Variants in DLGAP2 observed in about 807,000 individuals in gnomAD.
DLGAP2 encodes the protein DLG associated protein 2.
In DLGAP2, 26 loss-of-function variants were observed where a neutral mutation model predicts 100.3. The observed-to-expected ratio is 0.26, with a 90% CI of 0.19 to 0.36. DLGAP2 has a LOEUF of 0.36. DLGAP2 is among the 10% of genes least tolerant of loss of function. DLGAP2 has a pLI of 1.00. For synonymous variants in DLGAP2, 886 were observed against 630.1 expected (o/e 1.41, Z -6.08); for missense variants, 1,858 against 1,453.2 (o/e 1.28, Z -4.53).
In DLGAP2 at chr8:959,508, C is replaced by G. The variant is rs190061989; in HGVS notation, c.73+51542C>G. Reference sequence around the variant, plus strand: ...AAGAGCTTGAAGATGGTGCTGTCTTCTGTGTCCAGGGCAGCCTTGTGCAAC... The same window carrying G: ...AAGAGCTTGAAGATGGTGCTGTCTTGTGTGTCCAGGGCAGCCTTGTGCAAC... On this transcript the variant is annotated intron_variant, in intron 2 of 14. Transcript: ENST00000637795. Among the ~76,000 whole-genome samples, 191 of 152,370 alleles carry G rather than the reference C, an allele frequency of 1.3e-3. 1 individual carries two copies. The highest frequency in any genetic ancestry group is 4.5e-3 in the African/African-American group (186 of 41,592).
intron 3 of DLGAP2, among the ~76,000 whole-genome samples, chr8:1,334,565 G>C (rs73670767): frequency 6.6e-6 from 1 of 152,140 alleles, no homozygotes; most frequent in African/African-American, 2.4e-5. Flanking sequence ...GTGAGTGTGA[G>C]AGGTGGGCCC....
intron 3 of DLGAP2, among the ~76,000 whole-genome samples, chr8:1,332,740 G>A (rs375438633): frequency 1.1e-4 from 16 of 152,124 alleles, no homozygotes; most frequent in African/African-American, 3.4e-4. Flanking sequence ...CACCTCTCAC[G>A]CCCCAGACCT....
chr8:742,491 C>T (rs1820512797), intron 1 of DLGAP2, among the ~76,000 whole-genome samples: 1 of 152,146 alleles, frequency 6.6e-6, no homozygotes, highest in Non-Finnish European at 1.5e-5. Flanking sequence ...AATGTTTGTC[C>T]TGTGACTTTT....
chr8:1,481,479 T>TTC (rs1203807465), intron 3 of DLGAP2, among the ~76,000 whole-genome samples: 4 of 124,628 alleles, frequency 3.2e-5, no homozygotes, highest in East Asian at 2.3e-4. Context: ...TTCTTTTTTT[T>TTC]TTTTTTTTTT....
At chr8:1,285,210 G>A (rs963757442) in intron 3 of DLGAP2, among the ~76,000 whole-genome samples, 4 of 152,114 alleles carry the variant, frequency 2.6e-5, no homozygotes, top group African/African-American at 4.8e-5. Context: ...GGCTCCCATC[G>A]TGGACTGAGA....
chr8:1,618,809 C>G (rs1797238828), intron 6 of DLGAP2, among the ~76,000 whole-genome samples: 2 of 152,168 alleles, frequency 1.3e-5, no homozygotes, highest in African/African-American at 4.8e-5. Flanking sequence ...ACGATTCTCT[C>G]TTGTTGGGGG....
chr8:1,520,524 C>T (rs535234965), intron 4 of DLGAP2, among the ~76,000 whole-genome samples: 2 of 152,256 alleles, frequency 1.3e-5, no homozygotes, highest in South Asian at 2.1e-4. Context: ...GGTGTGGACT[C>T]CCCACTGCCA....
intron 1 of DLGAP2, among the ~76,000 whole-genome samples, chr8:821,381 C>A (rs1796579953): frequency 6.6e-6 from 1 of 152,164 alleles, no homozygotes; most frequent in African/African-American, 2.4e-5. Flanking sequence ...CATATCTTTC[C>A]AGTGTAACTT....
intron 2 of DLGAP2, among the ~76,000 whole-genome samples, chr8:1,232,216 G>A (rs371254673): frequency 1.8e-4 from 28 of 152,314 alleles, no homozygotes; most frequent in African/African-American, 6.7e-4. Context: ...CACTTGCCGG[G>A]GTCATCAGCC....
chr8:1,222,400 G>T (rs533935963), intron 2 of DLGAP2, among the ~76,000 whole-genome samples: 16 of 152,302 alleles, frequency 1.1e-4, no homozygotes, highest in African/African-American at 3.6e-4. Context: ...TGGGGGGCTA[G>T]GACCAGTCCC....
rs1446100377 is a variant in DLGAP2, at chr8:1,702,658, C to T, written c.*1252C>T. ...GTGTTCATGACTCTGTGGTCGGTGC[C>T]AGAGGAAAATAGGAACGACTCTAAT... On this transcript the variant is annotated 3_prime_UTR_variant, in exon 15 of 15. Transcript: ENST00000637795. The T allele has an allele frequency of 6.6e-6, 1 of 151,970 alleles. No homozygotes were observed. The highest frequency in any genetic ancestry group is 2.4e-5 in the African/African-American group (1 of 41,342). The allele number at this position is 151,970 out of a possible 1,614,324, so 9.4% of individuals were successfully genotyped here. A position where few individuals can be genotyped will look rare whatever the true frequency, so the allele number is the denominator to read the frequency against.
chr8:813,151 T>A (rs186140481), intron 1 of DLGAP2, among the ~76,000 whole-genome samples: 95 of 152,296 alleles, frequency 6.2e-4, no homozygotes, highest in African/African-American at 2.2e-3. Flanking sequence ...AAATGCAACA[T>A]AAAATTGCTA....
At chr8:1,093,072 C>G (rs1270348477) in intron 2 of DLGAP2, among the ~76,000 whole-genome samples, 1 of 152,308 alleles carries the variant, frequency 6.6e-6, no homozygotes, top group East Asian at 1.9e-4. Context: ...AGGCTGAAAA[C>G]CGAGGCCGAG....
At chr8:1,568,694 G>A (rs1337263455) in intron 6 of DLGAP2, among the ~76,000 whole-genome samples, 7 of 107,606 alleles carry the variant, frequency 6.5e-5, no homozygotes, top group African/African-American at 1.1e-4. Context: ...GTCTCTGCCC[G>A]TGGCCCCCAT....
chr8:1,217,808 T>C (rs920156758), intron 2 of DLGAP2, among the ~76,000 whole-genome samples: 16 of 152,224 alleles, frequency 1.1e-4, no homozygotes, highest in Non-Finnish European at 7.3e-5. Context: ...CTGACTGGTG[T>C]GAGAGGGTAT....
intron 2 of DLGAP2, among the ~76,000 whole-genome samples, chr8:1,243,132 C>G (rs1798834041): frequency 6.6e-6 from 1 of 152,184 alleles, no homozygotes; most frequent in Admixed American, 6.5e-5. Flanking sequence ...GGCGGTTACC[C>G]TGAGCACTGC....
intron 2 of DLGAP2, among the ~76,000 whole-genome samples, chr8:1,157,322 C>T (rs1382674491): frequency 6.6e-6 from 1 of 152,156 alleles, no homozygotes; most frequent in Admixed American, 6.5e-5. Flanking sequence ...AGCCATTTCA[C>T]CGATGGATGC....
At chr8:1,430,007 C>CATATATATATATATAT (rs60682299) in intron 3 of DLGAP2, among the ~76,000 whole-genome samples, 16 of 54,354 alleles carry the variant, frequency 2.9e-4, no homozygotes, top group Non-Finnish European at 4.3e-4. Flanking sequence ...CATATATATA[C>CATATATATATATATAT]ATATATATAT....
intron 2 of DLGAP2, among the ~76,000 whole-genome samples, chr8:1,209,916 G>A (rs1798068705): frequency 6.6e-6 from 1 of 152,156 alleles, no homozygotes; most frequent in South Asian, 2.1e-4. Context: ...GAAACGGCGT[G>A]TCATCAGCGG....
Sources: gnomAD v4.1 joint callset for allele counts (sites outside exome capture counted in the v4.1 genomes callset) on GRCh38, gnomAD v4.1.1 for gene constraint, MANE v1.5 for transcripts, NCBI Gene and HGNC (gene_info 2026-07-23, HGNC 2026-07-21) for gene names.